INPP4B: variants seen among roughly 807,000 people sequenced by gnomAD.
INPP4B encodes the protein inositol polyphosphate 4-phosphatase type II.
INPP4B carries 55 observed loss-of-function variants against 122.5 expected under a neutral mutation model. The observed-to-expected ratio is 0.45, with a 90% CI of 0.36 to 0.56. The LOEUF is 0.56. Among genes scored for constraint, INPP4B ranks in the 20% least tolerant of loss-of-function variants. The probability of loss-of-function intolerance (pLI) is 0.00; values close to 1 mark genes in which losing one functional copy is unlikely to be tolerated. For synonymous variants in INPP4B, 403 were observed against 388.7 expected (o/e 1.04, Z -0.43); for missense variants, 1,000 against 1,097.7 (o/e 0.91, Z 1.26).
intron 7 of INPP4B, 128 bp downstream of exon 7, chr4:142,402,810 G>A (rs569231677): frequency 3.6e-5 from 23 of 631,096 alleles, no homozygotes; most frequent in African/African-American, 2.8e-4. Context: ...AACAACAAAC[G>A]ATAAACATAA....
rs563747773 is a variant in INPP4B at position 142,028,601 on chromosome 4, T to C, written c.*181A>G. 2.2e-5 allele frequency: 13 copies of C among 593,688 alleles called. 1 individual carries two copies. In the East Asian group the frequency reaches 3.1e-4, roughly 14 times the overall value. 36.8% of individuals were successfully genotyped at this position (593,688 alleles called of 1,614,324 possible). A position where few individuals can be genotyped will look rare whatever the true frequency, so the allele number is the denominator to read the frequency against. ...CTGAATCATGTAAGATTTTTTAAAA[T>C]GGATTTCTTTCAGAGCAATATGCTG... On this transcript the variant is annotated 3_prime_UTR_variant, in exon 26 of 26. Transcript: ENST00000262992.
At chr4:142,502,879 C>A (rs1395450894) in intron 2 of INPP4B, among the ~76,000 whole-genome samples, 2 of 152,112 alleles carry the variant, frequency 1.3e-5, no homozygotes, top group African/African-American at 2.4e-5. Context: ...CAAATAAATA[C>A]CTCCCTTTCT....
chr4:142,042,961 G>T (rs959037283), intron 25 of INPP4B, among the ~76,000 whole-genome samples: 1 of 152,124 alleles, frequency 6.6e-6, no homozygotes, highest in Non-Finnish European at 1.5e-5. Flanking sequence ...ACTATGAACT[G>T]GCTCAACATC....
intron 23 of INPP4B, among the ~76,000 whole-genome samples, chr4:142,104,142 G>C (rs1785843317): frequency 6.6e-6 from 1 of 152,020 alleles, no homozygotes; most frequent in Admixed American, 6.6e-5. Context: ...GGCATTATTA[G>C]AGAAAGGACA....
At chr4:142,081,030 G>A (rs560396408) in intron 25 of INPP4B, among the ~76,000 whole-genome samples, 1 of 152,110 alleles carries the variant, frequency 6.6e-6, no homozygotes, top group Non-Finnish European at 1.5e-5. Flanking sequence ...ACGGAAGAAT[G>A]AAAATGCCAA....
At chr4:142,733,736 G>A (rs331939) in intron 1 of INPP4B, among the ~76,000 whole-genome samples, 48,587 of 151,994 alleles carry the variant, frequency 0.32, 7,959 homozygotes, top group South Asian at 0.43. Context: ...CTTTGATAGT[G>A]TCTCACCTTA....
At chr4:142,611,057 C>A (rs1742388848) in intron 2 of INPP4B, among the ~76,000 whole-genome samples, 1 of 152,168 alleles carries the variant, frequency 6.6e-6, no homozygotes. Context: ...AAGAATGATG[C>A]TGGTATCCAC....
At chr4:142,076,141 A>G (rs548948847) in intron 25 of INPP4B, among the ~76,000 whole-genome samples, 1 of 152,160 alleles carries the variant, frequency 6.6e-6, no homozygotes, top group South Asian at 2.1e-4. Context: ...AACACTATCA[A>G]CAAAAGAAAG....
chr4:142,230,315 C>T (rs138773797), intron 12 of INPP4B, among the ~76,000 whole-genome samples: 180 of 152,138 alleles, frequency 1.2e-3, no homozygotes, highest in African/African-American at 4.0e-3. Flanking sequence ...CCTCTCTCTA[C>T]CACAGCGAGG....
intron 2 of INPP4B, among the ~76,000 whole-genome samples, chr4:142,626,568 C>T (rs943695121): frequency 2.6e-5 from 4 of 151,934 alleles, no homozygotes; most frequent in Non-Finnish European, 5.9e-5. Flanking sequence ...CTCTAAGTTC[C>T]ATGTACGAAT....
At chr4:142,799,582 T>C (rs1464825042) in intron 1 of INPP4B, among the ~76,000 whole-genome samples, 1 of 151,958 alleles carries the variant, frequency 6.6e-6, no homozygotes, top group Non-Finnish European at 1.5e-5. Context: ...AAATAGTACA[T>C]AAAAATGTAG....
At chr4:142,500,400 G>A (rs528419112) in intron 2 of INPP4B, among the ~76,000 whole-genome samples, 1 of 152,244 alleles carries the variant, frequency 6.6e-6, no homozygotes, top group African/African-American at 2.4e-5. Context: ...AGTAATTGTA[G>A]ATTCTAGCCT....
At chr4:142,307,382 G>A (rs1054079807) in intron 8 of INPP4B, among the ~76,000 whole-genome samples, 1 of 151,808 alleles carries the variant, frequency 6.6e-6, no homozygotes, top group African/African-American at 2.4e-5. Context: ...TATTTATTTT[G>A]CACCTCTCCA....
intron 2 of INPP4B, among the ~76,000 whole-genome samples, chr4:142,513,529 T>C (rs1239086199): frequency 2.0e-5 from 3 of 152,046 alleles, no homozygotes; most frequent in African/African-American, 7.2e-5. Context: ...TGGCTCAGCC[T>C]CCTGAGTAGC....
At chr4:142,756,146 AC>A (rs1770486181) in intron 1 of INPP4B, among the ~76,000 whole-genome samples, 1 of 152,030 alleles carries the variant, frequency 6.6e-6, no homozygotes, top group Admixed American at 6.6e-5. Context: ...AAGATTCTAA[AC>A]AGAGATGAAG....
chr4:142,305,757 C>T, intron 8 of INPP4B: 1 of 1,366,348 alleles, frequency 7.3e-7, no homozygotes, highest in Non-Finnish European at 9.5e-7. Flanking sequence ...GAAAAGAGAC[C>T]AACAGGCTAG....
chr4:142,210,164 T>C lies in INPP4B; in HGVS notation c.837-1138A>G, dbSNP rs10035027. 6.6e-5 allele frequency among the ~76,000 whole-genome samples: 10 copies of C among 152,204 alleles called. 1 individual carries two copies. The highest frequency in any genetic ancestry group is 2.4e-4 in the African/African-American group (10 of 41,458). Reference sequence around the variant, plus strand: ...TGAAGCTTCTTTGCTATTTTGGCCATGAAACATGCTAAATACCAAGCTAAT... The same window carrying C: ...TGAAGCTTCTTTGCTATTTTGGCCACGAAACATGCTAAATACCAAGCTAAT... On this transcript the variant is annotated intron_variant, in intron 12 of 25. Transcript: ENST00000262992.
rs1175315770 is a variant in INPP4B, at chr4:142,024,027, TTTGA to T, written c.*4751_*4754del. ...AAGACATATGTTCCTTTTAGAAATG[TTTGA>T]TTCTCTTATTTGCTTAGAAATAGAA... is the stretch of plus-strand genomic sequence containing the variant. On this transcript the variant is annotated 3_prime_UTR_variant, in exon 26 of 26. Transcript: ENST00000262992. 1 of 152,128 alleles carries T rather than the reference TTTGA, an allele frequency of 6.6e-6. No homozygotes were observed. The highest frequency in any genetic ancestry group is 2.4e-5 in the African/African-American group (1 of 41,438). 9.4% of individuals were successfully genotyped at this position (152,128 alleles called of 1,614,324 possible).
intron 11 of INPP4B, among the ~76,000 whole-genome samples, chr4:142,251,610 A>G (rs1362506502): frequency 6.6e-6 from 1 of 152,136 alleles, no homozygotes; most frequent in Admixed American, 6.5e-5. Flanking sequence ...AATAAGAAAA[A>G]TCCCATCTCA....
Sources: allele counts gnomAD v4.1 joint callset (sites outside exome capture counted in the v4.1 genomes callset), GRCh38; gene constraint gnomAD v4.1.1; transcripts MANE v1.5; gene names NCBI Gene and HGNC (gene_info 2026-07-23, HGNC 2026-07-21).